The following CAMTA1 variants were observed in gnomAD, a reference collection of about 807,000 sequenced individuals.
CAMTA1 encodes the protein calmodulin-binding transcription activator 1.
Under a neutral mutation model 170.9 loss-of-function variants are expected in CAMTA1, and 27 were observed. That is an observed-to-expected ratio of 0.16 (90% CI 0.12 to 0.22). The LOEUF is 0.22. Ranked by LOEUF, CAMTA1 falls within the 10% of genes least tolerant of loss-of-function variation. CAMTA1 has a pLI of 1.00. For missense variants in CAMTA1, 1,619 were observed against 2,217.2 expected (o/e 0.73, Z 5.42); for synonymous variants, 833 against 891.5 (o/e 0.93, Z 1.17).
At chr1:7,106,553 A>G (rs1407559891) in intron 4 of CAMTA1, among the ~76,000 whole-genome samples, 1 of 152,048 alleles carries the variant, frequency 6.6e-6, no homozygotes, top group African/African-American at 2.4e-5. Context: ...TTTCTTTTTC[A>G]CATTTGAGTG....
intron 4 of CAMTA1, among the ~76,000 whole-genome samples, chr1:7,239,074 C>T (rs1574116487): frequency 1.3e-5 from 2 of 152,230 alleles, no homozygotes; most frequent in South Asian, 4.1e-4. Flanking sequence ...GTTATTATAC[C>T]ATGGTCAGTC....
intron 11 of CAMTA1, among the ~76,000 whole-genome samples, chr1:7,715,107 T>C (rs150965244): frequency 1.3e-5 from 2 of 152,224 alleles, no homozygotes; most frequent in East Asian, 3.9e-4. Flanking sequence ...CAAGTATTTT[T>C]GTTAGCCACC....
intron 5 of CAMTA1, among the ~76,000 whole-genome samples, chr1:7,434,498 A>G (rs1575303614): frequency 6.6e-6 from 1 of 152,260 alleles, no homozygotes; most frequent in East Asian, 1.9e-4. Context: ...GCAAATCCCC[A>G]CTGAGTCCCC....
At chr1:7,271,150 G>C (rs1373988958) in intron 5 of CAMTA1, among the ~76,000 whole-genome samples, 2 of 152,142 alleles carry the variant, frequency 1.3e-5, no homozygotes, top group Non-Finnish European at 2.9e-5. Flanking sequence ...AGGTCATAGG[G>C]ATGTACCCTT....
chr1:6,959,039 T>G (rs1023461715), intron 3 of CAMTA1, among the ~76,000 whole-genome samples: 3 of 152,216 alleles, frequency 2.0e-5, no homozygotes, highest in African/African-American at 7.2e-5. Context: ...AGGTACAGAT[T>G]GCCTAGAACC....
intron 6 of CAMTA1, among the ~76,000 whole-genome samples, chr1:7,587,186 G>A (rs977606930): frequency 6.6e-6 from 1 of 152,040 alleles, no homozygotes; most frequent in Non-Finnish European, 1.5e-5. Context: ...GAGGTGGGGG[G>A]CCCACACAGC....
intron 6 of CAMTA1, among the ~76,000 whole-genome samples, chr1:7,502,891 C>T (rs1445680029): frequency 6.6e-6 from 1 of 152,240 alleles, no homozygotes; most frequent in Non-Finnish European, 1.5e-5. Flanking sequence ...CAGCCCTGCC[C>T]TGTGGCCCCT....
chr1:7,726,963 C>T (rs760527347), intron 11 of CAMTA1, among the ~76,000 whole-genome samples: 3 of 152,148 alleles, frequency 2.0e-5, no homozygotes, highest in Non-Finnish European at 2.9e-5. Flanking sequence ...AGTAGTTCAG[C>T]TGCTTCACTT....
intron 11 of CAMTA1, among the ~76,000 whole-genome samples, chr1:7,703,765 T>G (rs1322604990): frequency 2.6e-5 from 4 of 152,126 alleles, no homozygotes; most frequent in Non-Finnish European, 4.4e-5. Flanking sequence ...ACTTTCTCTG[T>G]GCGAGGCCGT....
intron 3 of CAMTA1, among the ~76,000 whole-genome samples, chr1:6,884,161 T>C (rs1672440070): frequency 7.9e-6 from 1 of 126,276 alleles, no homozygotes; most frequent in Non-Finnish European, 1.8e-5. Context: ...AAACCATTTC[T>C]CACTCCTTCT....
At chr1:6,966,334 C>T (rs1691545426) in intron 3 of CAMTA1, among the ~76,000 whole-genome samples, 1 of 152,116 alleles carries the variant, frequency 6.6e-6, no homozygotes, top group African/African-American at 2.4e-5. Flanking sequence ...TCTTAGCCGT[C>T]ACCCCAACCC....
At chr1:7,043,887 A>G (rs1219718424) in intron 3 of CAMTA1, among the ~76,000 whole-genome samples, 1 of 152,206 alleles carries the variant, frequency 6.6e-6, no homozygotes, top group African/African-American at 2.4e-5. Flanking sequence ...GCCGGAACAC[A>G]GAGAAATTAG....
At chr1:7,473,605 A>G (rs72642864) in intron 6 of CAMTA1, among the ~76,000 whole-genome samples, 15,765 of 152,248 alleles carry the variant, frequency 0.1, 904 homozygotes, top group Middle Eastern at 0.15. Context: ...TCCTCCCTTC[A>G]TGCTGCAGCC....
intron 6 of CAMTA1, among the ~76,000 whole-genome samples, chr1:7,608,977 G>A (rs2095505155): frequency 6.6e-6 from 1 of 152,120 alleles, no homozygotes; most frequent in South Asian, 2.1e-4. Flanking sequence ...CTAAGCAGAA[G>A]TGAGGGCAGG....
At chr1:6,874,855 A>G (rs1669384768) in intron 3 of CAMTA1, among the ~76,000 whole-genome samples, 3 of 152,114 alleles carry the variant, frequency 2.0e-5, no homozygotes. Context: ...TAAGGTGTCT[A>G]GGGAGCTTTG....
rs368648936 is a variant in CAMTA1 at position 6,808,226 on chromosome 1, G to GT, written c.46-11943dup. 8.7e-3 allele frequency among the ~76,000 whole-genome samples: 1,267 copies of GT among 145,360 alleles called. 15 individuals carry two copies. Among genetic ancestry groups the GT allele is most frequent in the African/African-American group, 0.025 (1,007 of 39,864 alleles). Reference sequence around the variant, plus strand: ...CTCTGCTCAGGAGAGGCTTTTAGAAGTTTTTTTTTTTTAGTAGAGGAATGG... The same window carrying GT: ...CTCTGCTCAGGAGAGGCTTTTAGAAGTTTTTTTTTTTTTAGTAGAGGAATGG... On this transcript the variant is annotated intron_variant, in intron 1 of 22. Transcript: ENST00000303635.
At chr1:7,540,735 C>T (rs2094600465) in intron 6 of CAMTA1, among the ~76,000 whole-genome samples, 1 of 151,322 alleles carries the variant, frequency 6.6e-6, no homozygotes, top group African/African-American at 2.4e-5. Flanking sequence ...GTAAAAAATG[C>T]AGTAAGTTAA....
At chr1:7,162,406 C>T (rs1258257396) in intron 4 of CAMTA1, among the ~76,000 whole-genome samples, 7 of 152,136 alleles carry the variant, frequency 4.6e-5, no homozygotes, top group South Asian at 2.1e-4. Flanking sequence ...GAACCCTAAT[C>T]AGTTTTCATC....
intron 5 of CAMTA1, among the ~76,000 whole-genome samples, chr1:7,445,013 A>T (rs901605768): frequency 6.6e-6 from 1 of 151,548 alleles, no homozygotes; most frequent in Non-Finnish European, 1.5e-5. Context: ...GTGCTGTAAT[A>T]AAAGCGGTTG....
Sources: gnomAD v4.1 joint callset for allele counts (sites outside exome capture counted in the v4.1 genomes callset) on GRCh38, gnomAD v4.1.1 for gene constraint, MANE v1.5 for transcripts, NCBI Gene and HGNC (gene_info 2026-07-23, HGNC 2026-07-21) for gene names.